KIAA1217: variants seen among roughly 807,000 people sequenced by gnomAD.
KIAA1217 encodes the protein sickle tail protein homolog.
KIAA1217 carries 88 observed loss-of-function variants against 163.9 expected under a neutral mutation model. That is an observed-to-expected ratio of 0.54 (90% CI 0.45 to 0.64). The LOEUF (loss-of-function observed/expected upper bound fraction) is 0.64, where lower values mean the gene tolerates loss of function less well. Ranked by LOEUF, KIAA1217 falls within the 30% of genes least tolerant of loss-of-function variation. The pLI is 0.00. For synonymous variants in KIAA1217, 903 were observed against 923.1 expected (o/e 0.98, Z 0.39); for missense variants, 2,372 against 2,475.0 (o/e 0.96, Z 0.88).
chr10:23,750,867 T>C (rs1839696160), intron 1 of KIAA1217, among the ~76,000 whole-genome samples: 1 of 151,996 alleles, frequency 6.6e-6, no homozygotes, highest in African/African-American at 2.4e-5. Flanking sequence ...AAAATATAGA[T>C]TTTAGTGGTT....
In KIAA1217 at chr10:24,158,576, G is replaced by A. The variant is rs182582431; in HGVS notation, c.-170-61050G>A. 533 of 506,120 alleles carry A rather than the reference G, an allele frequency of 1.1e-3. 4 individuals carry two copies. The highest frequency in any genetic ancestry group is 9.7e-3 in the African/African-American group (497 of 51,200). The allele number at this position is 506,120 out of a possible 1,614,324, so 31.4% of individuals were successfully genotyped here. The stretch of plus-strand genomic sequence containing the variant: ...TCCTGTATTGACTAAACTGTAATGG[G>A]AAGCACTGACAGACGTGCTTTATCA... On this transcript the variant is annotated intron_variant, in intron 2 of 18. Coordinates refer to the KIAA1217 transcript ENST00000376462.
intron 2 of KIAA1217, among the ~76,000 whole-genome samples, chr10:24,059,232 T>G (rs1730056267): frequency 6.6e-6 from 1 of 152,206 alleles, no homozygotes; most frequent in South Asian, 2.1e-4. Context: ...AAATTTCACT[T>G]GGTCATGGTG....
At chr10:23,962,467 TA>T (rs1184734106) in intron 1 of KIAA1217, among the ~76,000 whole-genome samples, 1 of 152,312 alleles carries the variant, frequency 6.6e-6, no homozygotes, top group Non-Finnish European at 1.5e-5. Flanking sequence ...TTTTCCATAA[TA>T]ACACATTTTA....
At chr10:23,720,700 A>G (rs934172926) in intron 1 of KIAA1217, among the ~76,000 whole-genome samples, 5 of 152,212 alleles carry the variant, frequency 3.3e-5, no homozygotes, top group African/African-American at 1.2e-4. Flanking sequence ...CTTTCAATTT[A>G]TAATTAGTTA....
At chr10:23,731,449 T>C (rs1269841840) in intron 1 of KIAA1217, among the ~76,000 whole-genome samples, 2 of 152,218 alleles carry the variant, frequency 1.3e-5, no homozygotes, top group Non-Finnish European at 2.9e-5. Flanking sequence ...CTCTGTGGAC[T>C]GACCAGGAGC....
chr10:24,082,404 C>T (rs2061566735), intron 2 of KIAA1217, among the ~76,000 whole-genome samples: 1 of 152,096 alleles, frequency 6.6e-6, no homozygotes, highest in African/African-American at 2.4e-5. Context: ...CCCAAACCCC[C>T]ACCCCTAACA....
At chr10:24,257,902 T>C (rs1409658810) in intron 2 of KIAA1217, among the ~76,000 whole-genome samples, 1 of 152,204 alleles carries the variant, frequency 6.6e-6, no homozygotes, top group Non-Finnish European at 1.5e-5. Context: ...AGGCCAGACC[T>C]GAGTCAGGTC....
intron 1 of KIAA1217, among the ~76,000 whole-genome samples, chr10:23,723,338 T>C (rs1837965687): frequency 6.6e-6 from 1 of 152,136 alleles, no homozygotes; most frequent in Non-Finnish European, 1.5e-5. Flanking sequence ...TTTCTATTAG[T>C]GTACTTATTC....
intron 2 of KIAA1217, among the ~76,000 whole-genome samples, chr10:24,139,766 G>A (rs1204661651): frequency 6.6e-6 from 1 of 152,122 alleles, no homozygotes; most frequent in Admixed American, 6.6e-5. Context: ...TATCCATGGG[G>A]AATACATTCT....
intron 1 of KIAA1217, among the ~76,000 whole-genome samples, chr10:23,811,288 G>T (rs981531661): frequency 2.1e-5 from 3 of 144,168 alleles, no homozygotes; most frequent in African/African-American, 7.6e-5. Context: ...ATTATACATA[G>T]CATATATAGT....
chr10:23,993,553 C>CTTTTTTTTTTTTGTTTTT (rs1846320068), intron 1 of KIAA1217, among the ~76,000 whole-genome samples: 1 of 68,956 alleles, frequency 1.5e-5, no homozygotes, highest in African/African-American at 8.4e-5. Context: ...CATAGCCCAG[C>CTTTTTTTTTTTTGTTTTT]TTTTTTTTTT....
At chr10:23,833,318 A>G (rs144390051) in intron 1 of KIAA1217, among the ~76,000 whole-genome samples, 67 of 152,120 alleles carry the variant, frequency 4.4e-4, no homozygotes, top group African/African-American at 1.6e-3. Flanking sequence ...CTTTCACTGA[A>G]CAACCACAGC....
intron 1 of KIAA1217, among the ~76,000 whole-genome samples, chr10:23,879,088 A>T (rs760463626): frequency 6.6e-6 from 1 of 151,964 alleles, no homozygotes; most frequent in African/African-American, 2.4e-5. Context: ...GTGAAGACAT[A>T]CATTTGAGGC....
At chr10:24,209,083 C>G, upstream of KIAA1217, 1 of 845,692 alleles carries the variant, frequency 1.2e-6, no homozygotes, top group Non-Finnish European at 1.9e-6. Flanking sequence ...GGGTTTCGCA[C>G]CGTCCCCTCC....
At chr10:24,165,143 C>G (rs1270418108) in intron 2 of KIAA1217, among the ~76,000 whole-genome samples, 1 of 152,214 alleles carries the variant, frequency 6.6e-6, no homozygotes, top group African/African-American at 2.4e-5. Flanking sequence ...ACTTACACTG[C>G]ATGGAATGGC....
chr10:24,383,490 C>T (rs1334944388), intron 3 of KIAA1217, among the ~76,000 whole-genome samples: 2 of 152,172 alleles, frequency 1.3e-5, no homozygotes, highest in African/African-American at 2.4e-5. Flanking sequence ...CTGAGGGTGG[C>T]GGGTGTTTTC....
chr10:23,959,000 GC>G (rs1406081592), intron 1 of KIAA1217, among the ~76,000 whole-genome samples: 1 of 149,674 alleles, frequency 6.7e-6, no homozygotes, highest in Non-Finnish European at 1.5e-5. Flanking sequence ...TGTGCTCTGT[GC>G]CAGCCACGCT....
intron 2 of KIAA1217, among the ~76,000 whole-genome samples, chr10:24,154,342 G>T (rs1188303590): frequency 6.6e-6 from 1 of 151,944 alleles, no homozygotes; most frequent in African/African-American, 2.4e-5. Flanking sequence ...TATGAGGATT[G>T]CTTGAGCCTA....
intron 3 of KIAA1217, 68 bp from the exon 4 acceptor site, chr10:24,432,927 G>A: frequency 7.9e-7 from 1 of 1,263,172 alleles, no homozygotes; most frequent in Non-Finnish European, 1.1e-6. Flanking sequence ...GGAAAGAAGT[G>A]GCTCAGCTTG....
Sources: allele counts gnomAD v4.1 joint callset (sites outside exome capture counted in the v4.1 genomes callset), GRCh38; gene constraint gnomAD v4.1.1; transcripts MANE v1.5; gene names NCBI Gene and HGNC (gene_info 2026-07-23, HGNC 2026-07-21).